Variants in NOL4 observed in about 807,000 individuals in gnomAD.
NOL4 encodes the protein cancer/testis antigen 125.
A neutral mutation model predicts 75.9 loss-of-function variants in NOL4; 17 were observed. That is an observed-to-expected ratio of 0.22 (90% CI 0.15 to 0.34). NOL4 has a LOEUF of 0.34. NOL4 is among the 10% of genes least tolerant of loss of function. The pLI is 1.00. For missense variants in NOL4, 614 were observed against 793.5 expected (o/e 0.77, Z 2.72); for synonymous variants, 292 against 289.9 (o/e 1.01, Z -0.07).
intron 5 of NOL4, among the ~76,000 whole-genome samples, chr18:34,072,658 T>A (rs1256951948): frequency 6.6e-6 from 1 of 152,200 alleles, no homozygotes; most frequent in Non-Finnish European, 1.5e-5. Flanking sequence ...TATTTTCATG[T>A]GCGCACGAAC....
At chr18:34,181,802 T>C (rs1600814762) in intron 1 of NOL4, among the ~76,000 whole-genome samples, 1 of 151,820 alleles carries the variant, frequency 6.6e-6, no homozygotes, top group East Asian at 1.9e-4. Flanking sequence ...CATTAAATTA[T>C]GCATAACATC....
chr18:34,219,622 T>TA (rs1481391194), intron 1 of NOL4, among the ~76,000 whole-genome samples: 1 of 152,244 alleles, frequency 6.6e-6, no homozygotes, highest in Non-Finnish European at 1.5e-5. Context: ...TATCGCTGCT[T>TA]AAAAGTTGGA....
intron 5 of NOL4, among the ~76,000 whole-genome samples, chr18:34,025,673 G>A (rs1329198580): frequency 3.9e-5 from 6 of 152,112 alleles, no homozygotes; most frequent in African/African-American, 9.7e-5. Context: ...ACAGAAAAAT[G>A]TTACTTCAAC....
intron 9 of NOL4, among the ~76,000 whole-genome samples, chr18:33,937,473 T>C (rs76848478): frequency 1.6e-4 from 25 of 152,108 alleles, no homozygotes; most frequent in Non-Finnish European, 3.2e-4. Context: ...AAAGCCAATT[T>C]TGAGTGTTCA....
chr18:34,167,716 A>G (rs1221723121), intron 1 of NOL4, among the ~76,000 whole-genome samples: 1 of 152,082 alleles, frequency 6.6e-6, no homozygotes, highest in Non-Finnish European at 1.5e-5. Context: ...TTAGTGAGCT[A>G]TAACAGAAAA....
chr18:34,219,789 T>TATGCGC (rs1468794803), intron 1 of NOL4, among the ~76,000 whole-genome samples: 1 of 152,264 alleles, frequency 6.6e-6, no homozygotes, highest in African/African-American at 2.4e-5. Context: ...ACAAACTGCA[T>TATGCGC]ATGCGCGTGC....
intron 4 of NOL4, among the ~76,000 whole-genome samples, chr18:34,097,863 T>C (rs2078861774): frequency 1.3e-5 from 2 of 152,222 alleles, no homozygotes; most frequent in African/African-American, 4.8e-5. Context: ...TTGAAAAGTT[T>C]TTAATAATTA....
intron 9 of NOL4, among the ~76,000 whole-genome samples, chr18:33,905,107 T>G (rs2065956536): frequency 6.6e-6 from 1 of 152,198 alleles, no homozygotes; most frequent in African/African-American, 2.4e-5. Context: ...TGATAGGTCA[T>G]TGCAAGTTTC....
intron 1 of NOL4, among the ~76,000 whole-genome samples, chr18:34,211,766 T>C (rs1375217658): frequency 1.3e-5 from 2 of 152,106 alleles, no homozygotes; most frequent in Non-Finnish European, 2.9e-5. Flanking sequence ...GGCTATTGAA[T>C]AAACCTCAGA....
Position 34,224,813 on chromosome 18 carries a change from T to G in NOL4, c.-1560A>C, listed in dbSNP as rs924652158. 1.3e-5 allele frequency: 2 copies of G among 154,688 alleles called. No homozygotes were observed. The highest frequency in any genetic ancestry group is 4.8e-5 in the African/African-American group (2 of 41,496). The allele number at this position is 154,688 out of a possible 1,614,324, so 9.6% of individuals were successfully genotyped here. On this transcript the variant is annotated 5_prime_UTR_variant, in exon 1 of 11. Coordinates refer to ENST00000261592, the MANE Select transcript of NOL4 (RefSeq NM_003787.5). Reference sequence around the variant, plus strand: ...AGCAAGGGAGCGAGGGTGTGCGGTGTGCAGGGGGTGCGCTGTGTGTGCGCG... The same window carrying G: ...AGCAAGGGAGCGAGGGTGTGCGGTGGGCAGGGGGTGCGCTGTGTGTGCGCG...
rs531420241 is a variant in NOL4, at chr18:34,144,720, G to C, written c.265-14700C>G. Among the ~76,000 whole-genome samples, 4 of 152,192 alleles carry C rather than the reference G, an allele frequency of 2.6e-5. No individual in the cohort carries two copies. In the South Asian group the frequency reaches 6.2e-4, roughly 24 times the overall value. On this transcript the variant is annotated intron_variant, in intron 1 of 10. Transcript: ENST00000261592. ...TGCCAATTGGTAAGATAATATACAT[G>C]CATATAAAAATTTAATGCAATTGTA...
rs1295935939 is a variant in NOL4, at chr18:33,852,424, C to CT, written c.*417dup. ...TATCCTGTAGCAACAAGAAATTTGG[C>CT]TTTTTTTTTTCTTTTTTTTTTTTTT... On this transcript the variant is annotated 3_prime_UTR_variant, in exon 11 of 11. Coordinates refer to ENST00000261592, the MANE Select transcript of NOL4 (RefSeq NM_003787.5). The CT allele has an allele frequency of 3.2e-3, 428 of 134,940 alleles. 2 individuals are homozygous for CT. The highest frequency in any genetic ancestry group is 0.01 in the African/African-American group (369 of 36,352). The allele number at this position is 134,940 out of a possible 1,614,324, so 8.4% of individuals were successfully genotyped here.
chr18:33,872,378 T>C (rs1225198327), intron 10 of NOL4, among the ~76,000 whole-genome samples: 1 of 152,032 alleles, frequency 6.6e-6, no homozygotes, highest in East Asian at 1.9e-4. Context: ...CGGATGTTAT[T>C]TAAAAGCCAG....
intron 1 of NOL4, among the ~76,000 whole-genome samples, chr18:34,215,226 T>C (rs4613141): frequency 0.01 from 1,584 of 152,238 alleles, 84 homozygotes; most frequent in Admixed American, 0.094. Context: ...TAGATATAGA[T>C]GTAGATAAAA....
intron 1 of NOL4, among the ~76,000 whole-genome samples, chr18:34,198,080 T>C (rs1600854667): frequency 6.6e-6 from 1 of 151,942 alleles, no homozygotes; most frequent in African/African-American, 2.4e-5. Context: ...GTGAAACTGT[T>C]GAACATCAAA....
At chr18:34,106,277 C>G (rs2079274146) in intron 2 of NOL4, among the ~76,000 whole-genome samples, 1 of 151,990 alleles carries the variant, frequency 6.6e-6, no homozygotes, top group Non-Finnish European at 1.5e-5. Context: ...CTTAGCCAGG[C>G]TACAGAAGCC....
At chr18:34,023,589 C>G (rs921046847) in intron 5 of NOL4, 1 of 424,858 alleles carries the variant, frequency 2.4e-6, no homozygotes, top group African/African-American at 2.0e-5. Context: ...ACCAAAGACT[C>G]TGTATATGAG....
intron 1 of NOL4, among the ~76,000 whole-genome samples, chr18:34,130,541 G>A (rs1050739922): frequency 1.3e-5 from 2 of 151,958 alleles, no homozygotes; most frequent in African/African-American, 4.8e-5. Context: ...ACAATATGTG[G>A]TAAAGGTTAA....
At chr18:33,860,907 T>G (rs1328033305) in intron 10 of NOL4, among the ~76,000 whole-genome samples, 3 of 152,178 alleles carry the variant, frequency 2.0e-5, no homozygotes, top group African/African-American at 4.8e-5. Context: ...GGTTTTTGTC[T>G]TTGGTTCTGT....
Sources: allele counts gnomAD v4.1 joint callset (sites outside exome capture counted in the v4.1 genomes callset), GRCh38; gene constraint gnomAD v4.1.1; transcripts MANE v1.5; gene names NCBI Gene and HGNC (gene_info 2026-07-23, HGNC 2026-07-21).